SH3RF3: variants seen among roughly 807,000 people sequenced by gnomAD.
SH3RF3 encodes the protein E3 ubiquitin-protein ligase SH3RF3.
In SH3RF3, 29 loss-of-function variants were observed where a neutral mutation model predicts 66.3. The ratio of observed to expected loss-of-function variants is 0.44; its 90% CI spans 0.33 to 0.60. The LOEUF (loss-of-function observed/expected upper bound fraction) is 0.60, where lower values mean the gene tolerates loss of function less well. Among genes scored for constraint, SH3RF3 ranks in the 20% least tolerant of loss-of-function variants. The pLI, the probability that SH3RF3 is intolerant of heterozygous loss-of-function variation, is 0.04. For missense variants in SH3RF3, 1,194 were observed against 1,190.9 expected, an observed-to-expected ratio of 1.00 and a Z score of -0.04; for synonymous variants, 583 against 532.0, an observed-to-expected ratio of 1.10 and a Z score of -1.32.
At chr2:109,415,257 G>A (rs1440171875) in intron 4 of SH3RF3, among the ~76,000 whole-genome samples, 2 of 152,216 alleles carry the variant, frequency 1.3e-5, no homozygotes, top group African/African-American at 4.8e-5. Flanking sequence ...TGAGTCTGTG[G>A]CTGTTTGTTT....
chr2:109,232,835 A>G (rs1679545686), intron 1 of SH3RF3, among the ~76,000 whole-genome samples: 1 of 152,074 alleles, frequency 6.6e-6, no homozygotes, highest in African/African-American at 2.4e-5. Flanking sequence ...TTAATGCAAA[A>G]TTTTATCGAG....
At chr2:109,466,341 A>G (rs1437092326) in intron 8 of SH3RF3, among the ~76,000 whole-genome samples, 1 of 152,076 alleles carries the variant, frequency 6.6e-6, no homozygotes, top group African/African-American at 2.4e-5. Flanking sequence ...TCGGCCTCCC[A>G]AAGTGCTGGG....
At chr2:109,154,490 C>T (rs533895416) in intron 1 of SH3RF3, among the ~76,000 whole-genome samples, 172 of 152,334 alleles carry the variant, frequency 1.1e-3, no homozygotes, top group Non-Finnish European at 1.6e-3. Context: ...GGGGCCAGGC[C>T]TCGAGGCTTC....
intron 1 of SH3RF3, among the ~76,000 whole-genome samples, chr2:109,174,982 C>T (rs968952619): frequency 2.6e-5 from 4 of 152,110 alleles, no homozygotes; most frequent in Non-Finnish European, 4.4e-5. Flanking sequence ...TGATTTATAC[C>T]TTTTTCCAAA....
At chr2:109,443,193 ATTTT>A (rs1369444769) in intron 7 of SH3RF3, among the ~76,000 whole-genome samples, 1 of 152,364 alleles carries the variant, frequency 6.6e-6, no homozygotes, top group African/African-American at 2.4e-5. Context: ...AGTAGATTCT[ATTTT>A]ATTTATTTGA....
At chr2:109,320,713 C>T (rs993798835) in intron 1 of SH3RF3, among the ~76,000 whole-genome samples, 1 of 152,206 alleles carries the variant, frequency 6.6e-6, no homozygotes, top group Admixed American at 6.5e-5. Flanking sequence ...GATATCAGCC[C>T]CGCAGATGAA....
intron 1 of SH3RF3, among the ~76,000 whole-genome samples, chr2:109,291,205 C>T (rs1681168837): frequency 6.6e-6 from 1 of 151,846 alleles, no homozygotes; most frequent in Admixed American, 6.6e-5. Context: ...TTTGAAAATG[C>T]TGTCAGGATA....
At chr2:109,321,336 C>T (rs1357908205) in intron 1 of SH3RF3, among the ~76,000 whole-genome samples, 1 of 152,182 alleles carries the variant, frequency 6.6e-6, no homozygotes, top group Non-Finnish European at 1.5e-5. Flanking sequence ...ATGCAGATTG[C>T]CTCTTCCATA....
intron 1 of SH3RF3, among the ~76,000 whole-genome samples, chr2:109,248,077 A>G (rs1176028720): frequency 1.3e-5 from 2 of 152,232 alleles, no homozygotes; most frequent in Non-Finnish European, 2.9e-5. Flanking sequence ...GGGAACATGA[A>G]TCAATTGGAG....
At chr2:109,302,293 C>A (rs1454135181) in intron 1 of SH3RF3, among the ~76,000 whole-genome samples, 1 of 152,148 alleles carries the variant, frequency 6.6e-6, no homozygotes, top group South Asian at 2.1e-4. Flanking sequence ...TGACTGTAAT[C>A]ATCCATAACA....
Position 109,488,810 on chromosome 2 carries a change from C to T in SH3RF3, c.2149-1795C>T, listed in dbSNP as rs181031597. Among the ~76,000 whole-genome samples, 1,221 of 152,344 alleles carry T rather than the reference C, an allele frequency of 8.0e-3. 9 individuals carry two copies. The highest frequency in any genetic ancestry group is 0.014 in the Middle Eastern group (4 of 292). ...GCTGTTTCCTATTGCTCACAACCTC[C>T]AGGGCCTGGCACGGTGCACAAGACC... is the stretch of plus-strand genomic sequence containing the variant. On this transcript the variant is annotated intron_variant, in intron 8 of 9. Coordinates refer to ENST00000309415, the MANE Select transcript of SH3RF3 (RefSeq NM_001099289.3).
intron 1 of SH3RF3, among the ~76,000 whole-genome samples, chr2:109,321,330 A>C (rs1408609954): frequency 6.6e-6 from 1 of 152,248 alleles, no homozygotes; most frequent in African/African-American, 2.4e-5. Context: ...TGTGGCATGC[A>C]GATTGCCTCT....
intron 1 of SH3RF3, among the ~76,000 whole-genome samples, chr2:109,300,806 A>C (rs1681447338): frequency 6.6e-6 from 1 of 152,170 alleles, no homozygotes; most frequent in Admixed American, 6.6e-5. Context: ...GTCATCACCT[A>C]GAGTGTCATT....
chr2:109,351,648 G>C (rs917155652), intron 2 of SH3RF3, among the ~76,000 whole-genome samples: 1 of 152,242 alleles, frequency 6.6e-6, no homozygotes, highest in Non-Finnish European at 1.5e-5. Context: ...ATCCTCAGAG[G>C]CCACGGGGTT....
At chr2:109,381,865 T>C (rs1016253798) in intron 3 of SH3RF3, among the ~76,000 whole-genome samples, 7 of 151,986 alleles carry the variant, frequency 4.6e-5, no homozygotes, top group Admixed American at 1.3e-4. Context: ...AAGCTGTGCA[T>C]GTTTATAAGG....
At position 109,269,418 on chromosome 2, in the gene SH3RF3, A is replaced by C. The variant is rs530950952; in HGVS notation, c.574-78256A>C. 7.9e-5 allele frequency among the ~76,000 whole-genome samples: 12 copies of C among 152,306 alleles called. No homozygotes were observed. In the South Asian group the frequency reaches 2.5e-3, roughly 32 times the overall value. The stretch of plus-strand genomic sequence containing the variant: ...TTCTCCATGGCTCTGCTGGCCGACC[A>C]CATCCTCCTAACCCTTTAAGAATCC... On this transcript the variant is annotated intron_variant, in intron 1 of 9. Transcript: ENST00000309415.
chr2:109,411,415 T>C (rs1676585115), intron 4 of SH3RF3, among the ~76,000 whole-genome samples: 1 of 152,194 alleles, frequency 6.6e-6, no homozygotes, highest in Admixed American at 6.5e-5. Flanking sequence ...TCACATTCTG[T>C]ACAGCTGGGC....
At chr2:109,499,674 T>C (rs59317862) in intron 9 of SH3RF3, among the ~76,000 whole-genome samples, 77 of 152,238 alleles carry the variant, frequency 5.1e-4, no homozygotes, top group African/African-American at 1.7e-3. Context: ...AGAGGAAGGC[T>C]CTCCTGGGGC....
chr2:109,408,664 G>A (rs999707367), intron 4 of SH3RF3, among the ~76,000 whole-genome samples: 21 of 152,258 alleles, frequency 1.4e-4, no homozygotes, highest in Non-Finnish European at 2.1e-4. Flanking sequence ...CAGACAGAAG[G>A]ATGGATAGAC....
Sources: allele counts gnomAD v4.1 joint callset (sites outside exome capture counted in the v4.1 genomes callset), GRCh38; gene constraint gnomAD v4.1.1; transcripts MANE v1.5; gene names NCBI Gene and HGNC (gene_info 2026-07-23, HGNC 2026-07-21).